Variants in TRAPPC3L observed in about 807,000 individuals in gnomAD.
TRAPPC3L encodes trafficking protein particle complex subunit 3-like protein.
A neutral mutation model predicts 23.7 loss-of-function variants in TRAPPC3L; 23 were observed. The ratio of observed to expected loss-of-function variants is 0.97; its 90% CI spans 0.70 to 1.37. TRAPPC3L has a LOEUF of 1.37. TRAPPC3L is among the 40% of genes most tolerant of loss of function. The pLI is 0.00. For missense variants in TRAPPC3L, 212 were observed against 216.8 expected, an observed-to-expected ratio of 0.98 and a Z score of 0.14; for synonymous variants, 81 against 77.9, an observed-to-expected ratio of 1.04 and a Z score of -0.21.
intron 3 of TRAPPC3L, among the ~76,000 whole-genome samples, chr6:116,515,329 A>C (rs1271705638): frequency 6.6e-6 from 1 of 152,098 alleles, no homozygotes; most frequent in African/African-American, 2.4e-5. Context: ...TATACTTTGT[A>C]CTCTTTTCTA....
intron 3 of TRAPPC3L, among the ~76,000 whole-genome samples, chr6:116,502,904 C>A (rs1771941275): frequency 6.6e-6 from 1 of 152,170 alleles, no homozygotes; most frequent in South Asian, 2.1e-4. Flanking sequence ...ACAACCGATA[C>A]CAGCCACTGC....
At chr6:116,532,643 C>T (rs577259213) in intron 3 of TRAPPC3L, among the ~76,000 whole-genome samples, 3 of 152,318 alleles carry the variant, frequency 2.0e-5, no homozygotes, top group Non-Finnish European at 4.4e-5. Flanking sequence ...TGTATTACTT[C>T]CACTTTTGTG....
chr6:116,509,033 A>C (rs1350243446), intron 3 of TRAPPC3L, among the ~76,000 whole-genome samples: 1 of 150,472 alleles, frequency 6.6e-6, no homozygotes, highest in African/African-American at 2.4e-5. Context: ...CCTGCTATAC[A>C]CCAACAACAA....
intron 3 of TRAPPC3L, among the ~76,000 whole-genome samples, chr6:116,527,312 T>G (rs969731157): frequency 6.6e-6 from 1 of 151,910 alleles, no homozygotes; most frequent in African/African-American, 2.4e-5. Context: ...GGTCAGGAGA[T>G]CGAGACCATC....
At chr6:116,527,349 C>T (rs1772464333) in intron 3 of TRAPPC3L, among the ~76,000 whole-genome samples, 1 of 151,958 alleles carries the variant, frequency 6.6e-6, no homozygotes, top group African/African-American at 2.4e-5. Flanking sequence ...AACCCCGTCT[C>T]TACTAAAAAT....
At chr6:116,529,508 G>T (rs1772568412) in intron 3 of TRAPPC3L, among the ~76,000 whole-genome samples, 1 of 152,206 alleles carries the variant, frequency 6.6e-6, no homozygotes, top group Admixed American at 6.5e-5. Flanking sequence ...GGTAGACAGA[G>T]CACTGTGCTG....
chr6:116,504,881 G>A (rs569313195), intron 3 of TRAPPC3L, among the ~76,000 whole-genome samples: 3 of 152,210 alleles, frequency 2.0e-5, no homozygotes, highest in South Asian at 2.1e-4. Flanking sequence ...AATAATAAGA[G>A]CTATTTAGGA....
chr6:116,534,069 C>G (rs548906167), intron 3 of TRAPPC3L, among the ~76,000 whole-genome samples: 2 of 152,066 alleles, frequency 1.3e-5, no homozygotes, highest in Non-Finnish European at 2.9e-5. Context: ...AGGATTCCTC[C>G]TTTGGGTACT....
Position 116,545,470 on chromosome 6 carries a change from T to TA in TRAPPC3L, c.42+2dup. ...AAAAAATCTCTTTGTAGAAAGATCT[T>TA]ACTATTTTATGGTATTCTGGTCTTC... On this transcript the variant is annotated splice_region_variant and intron_variant, in intron 1 of 4. Coordinates refer to ENST00000368602, the MANE Select transcript of TRAPPC3L (RefSeq NM_001139444.3). The TA allele has an allele frequency of 2.6e-6, 4 of 1,544,202 alleles. No homozygotes were observed. Among genetic ancestry groups the TA allele is most frequent in the Non-Finnish European group, 3.5e-6 (4 of 1,142,888 alleles).
At chr6:116,502,692 C>T (rs945092128) in intron 3 of TRAPPC3L, among the ~76,000 whole-genome samples, 16 of 152,232 alleles carry the variant, frequency 1.1e-4, no homozygotes, top group African/African-American at 3.9e-4. Context: ...AGAAACACTA[C>T]AAGCCAGAAG....
At chr6:116,521,208 T>C (rs1052525057) in intron 3 of TRAPPC3L, 2 of 152,062 alleles carry the variant, frequency 1.3e-5, no homozygotes, top group African/African-American at 4.8e-5. Flanking sequence ...ATATATGTGC[T>C]ATATATATTG....
At chr6:116,541,536 G>A (rs1773460860) in intron 2 of TRAPPC3L, among the ~76,000 whole-genome samples, 1 of 152,160 alleles carries the variant, frequency 6.6e-6, no homozygotes, top group Non-Finnish European at 1.5e-5. Flanking sequence ...TTTGATGTGA[G>A]AGTGCTTATG....
At position 116,540,439 on chromosome 6, in the gene TRAPPC3L, A is replaced by G; in HGVS notation, c.164T>C (p.Leu55Pro). ...GGATCGAGCCAAAAAGTCTTCCACAAGCCGCGTTCCAATGCCGTAACCCCT... is the reference window on the plus strand; with the variant it reads ...GGATCGAGCCAAAAAGTCTTCCACAGGCCGCGTTCCAATGCCGTAACCCCT... ...DKMGYGIGTR[L>P]VEDFLARSCV... is the part of the protein sequence containing the mutation. The change falls in exon 3 of 5, where the codon CTT becomes CCT. Residue 55 changes from leucine to proline, a missense_variant. Transcript: ENST00000368602. 1 of 1,551,362 alleles carries G rather than the reference A, an allele frequency of 6.4e-7. No individual in the cohort carries two copies. The highest frequency in any genetic ancestry group is 8.7e-7 in the Non-Finnish European group (1 of 1,146,746).
chr6:116,527,527 A>AC (rs952254513), intron 3 of TRAPPC3L, among the ~76,000 whole-genome samples: 3 of 151,846 alleles, frequency 2.0e-5, no homozygotes, highest in Non-Finnish European at 4.4e-5. Context: ...AACAAAAAAA[A>AC]AAAAAAAAAA....
At chr6:116,543,770 AG>A in intron 1 of TRAPPC3L, 1 of 1,470,158 alleles carries the variant, frequency 6.8e-7, no homozygotes, top group Non-Finnish European at 9.1e-7. Flanking sequence ...TTCAGTTGGA[AG>A]CAAGAATTGG....
In TRAPPC3L at chr6:116,503,949, C is replaced by CTA. The variant is rs1771962063; in HGVS notation, c.241-3284_241-3283insTA. Among the ~76,000 whole-genome samples the CTA allele has an allele frequency of 4.6e-5, 7 of 152,242 alleles. No individual in the cohort carries two copies. In the South Asian group the frequency reaches 1.5e-3, roughly 32 times the overall value. ...AGATCTAAAATTAACACCCTAACAT[C>CTA]ACAATTCAAAGAACTAGAGAAGCAA... On this transcript the variant is annotated intron_variant, in intron 3 of 4. Coordinates refer to ENST00000368602, the MANE Select transcript of TRAPPC3L (RefSeq NM_001139444.3).
At chr6:116,532,402 G>A (rs1772797085) in intron 3 of TRAPPC3L, among the ~76,000 whole-genome samples, 1 of 152,006 alleles carries the variant, frequency 6.6e-6, no homozygotes, top group South Asian at 2.1e-4. Flanking sequence ...GCGCCCGGCC[G>A]GTTTTTCTAG....
chr6:116,500,780 C>G (rs778012951), intron 3 of TRAPPC3L, 114 bp from the exon 4 acceptor site: 51 of 894,770 alleles, frequency 5.7e-5, no homozygotes, highest in Non-Finnish European at 8.2e-5. Context: ...CACATGGAGT[C>G]TATAGTCAGG....
chr6:116,500,788 AG>A, intron 3 of TRAPPC3L, 122 bp from the exon 4 acceptor site: 1 of 831,784 alleles, frequency 1.2e-6, no homozygotes, highest in Non-Finnish European at 1.9e-6. Context: ...GTCTATAGTC[AG>A]GAAGTCCGGC....
Sources: gnomAD v4.1 joint callset for allele counts (sites outside exome capture counted in the v4.1 genomes callset) on GRCh38, gnomAD v4.1.1 for gene constraint, MANE v1.5 for transcripts, NCBI Gene and HGNC (gene_info 2026-07-23, HGNC 2026-07-21) for gene names.